The following KIAA0513 variants were observed in gnomAD, a reference collection of about 807,000 sequenced individuals.
The protein encoded by KIAA0513 is uncharacterized protein KIAA0513.
In KIAA0513, 39 loss-of-function variants were observed where a neutral mutation model predicts 56.5. That is an observed-to-expected ratio of 0.69 (90% confidence interval 0.53 to 0.90). KIAA0513 has a LOEUF of 0.90. Ranked by LOEUF, KIAA0513 falls within the 40% of genes least tolerant of loss-of-function variation. The probability of loss-of-function intolerance (pLI) is 0.00; values close to 1 mark genes in which losing one functional copy is unlikely to be tolerated. For synonymous variants in KIAA0513, 268 were observed against 215.6 expected (o/e 1.24, Z -2.13); for missense variants, 591 against 535.2 (o/e 1.10, Z -1.03).
At chr16:85,038,730 T>TAA (rs2073067986) in intron 1 of KIAA0513, among the ~76,000 whole-genome samples, 1 of 127,560 alleles carries the variant, frequency 7.8e-6, no homozygotes, top group African/African-American at 3.3e-5. Flanking sequence ...AAAATAATAA[T>TAA]AATAATATCT....
chr16:85,056,508 C>G (rs2073331462), intron 1 of KIAA0513, among the ~76,000 whole-genome samples: 2 of 152,212 alleles, frequency 1.3e-5, no homozygotes, highest in Non-Finnish European at 2.9e-5. Flanking sequence ...GGGTCCCTCT[C>G]CAGGAAAGCC....
At chr16:85,060,432 T>G (rs1328310566) in intron 1 of KIAA0513, among the ~76,000 whole-genome samples, 1 of 152,200 alleles carries the variant, frequency 6.6e-6, no homozygotes, top group Non-Finnish European at 1.5e-5. Flanking sequence ...CGGTGCCCCA[T>G]GTGCACAGTG....
At chr16:85,047,320 A>G (rs1179825617) in intron 1 of KIAA0513, among the ~76,000 whole-genome samples, 1 of 152,176 alleles carries the variant, frequency 6.6e-6, no homozygotes, top group Non-Finnish European at 1.5e-5. Context: ...GCTCGTAACA[A>G]CTTGATGGGG....
intron 2 of KIAA0513, among the ~76,000 whole-genome samples, chr16:85,070,917 A>G (rs1218307549): frequency 1.3e-5 from 2 of 152,240 alleles, no homozygotes; most frequent in East Asian, 1.9e-4. Context: ...AGTCAGATGC[A>G]TCTTCACAAG....
rs150950854 is a variant in KIAA0513 at position 85,080,967 on chromosome 16, G to A, written c.903-348G>A. ...CTGCTTCGTCTTGGGAGTCCCAACG[G>A]GAAAGGCAGAAGAAGAAAACGACCC... On this transcript the variant is annotated intron_variant, in intron 8 of 12. Transcript: ENST00000683363. 4.4e-3 allele frequency among the ~76,000 whole-genome samples: 663 copies of A among 152,292 alleles called. 4 individuals carry two copies. The highest frequency in any genetic ancestry group is 0.015 in the African/African-American group (634 of 41,548).
intron 1 of KIAA0513, among the ~76,000 whole-genome samples, chr16:85,051,226 G>A (rs984894087): frequency 2.0e-5 from 3 of 152,256 alleles, no homozygotes; most frequent in East Asian, 3.9e-4. Flanking sequence ...AACTTAATGC[G>A]TTTTATTCTC....
rs1382219763 is a variant in KIAA0513 at position 85,052,420 on chromosome 16, C to T, written c.-172-14480C>T. On this transcript the variant is annotated intron_variant, in intron 1 of 12. Transcript: ENST00000683363. The stretch of plus-strand genomic sequence containing the variant: ...CCAGCTACTCGGGAGGCTGAGGCAC[C>T]AGAATCGCTTGAACCTGGGAGGCCG... Among the ~76,000 whole-genome samples, 30 of 152,072 alleles carry T rather than the reference C, an allele frequency of 2.0e-4. 1 individual carries two copies. The highest frequency in any genetic ancestry group is 1.9e-3 in the Admixed American group (29 of 15,260).
At position 85,060,316 on chromosome 16, in the gene KIAA0513, C is replaced by G. The variant is rs566567056; in HGVS notation, c.-172-6584C>G. ...CTCAAGGACGAAGAGGTGCATTTTT[C>G]CTTGTTTGGGCTGCCAGGGAGTTGG... On this transcript the variant is annotated intron_variant, in intron 1 of 12. Coordinates refer to ENST00000683363, the MANE Select transcript of KIAA0513 (RefSeq NM_001388359.1). 9.5e-4 allele frequency among the ~76,000 whole-genome samples: 144 copies of G among 152,174 alleles called. No homozygotes were observed. In the Middle Eastern group the frequency reaches 0.02, roughly 22 times the overall value.
intron 1 of KIAA0513, among the ~76,000 whole-genome samples, chr16:85,064,205 C>T (rs1018045703): frequency 1.3e-5 from 2 of 151,944 alleles, no homozygotes; most frequent in South Asian, 2.1e-4. Flanking sequence ...AGGGTTTCAC[C>T]GTGTTGGCCA....
intron 2 of KIAA0513, among the ~76,000 whole-genome samples, chr16:85,068,355 C>CA (rs1381668558): frequency 6.8e-6 from 1 of 147,812 alleles, no homozygotes; most frequent in African/African-American, 2.5e-5. Flanking sequence ...TTTTTTGAGA[C>CA]AGAGTCTGGC....
chr16:85,058,234 T>G (rs1217205566), intron 1 of KIAA0513, among the ~76,000 whole-genome samples: 2 of 152,218 alleles, frequency 1.3e-5, no homozygotes, highest in African/African-American at 4.8e-5. Flanking sequence ...CACGGGCATG[T>G]TCACTGTCAC....
At chr16:85,084,128 C>A (rs1567547429) in intron 10 of KIAA0513, among the ~76,000 whole-genome samples, 3 of 143,552 alleles carry the variant, frequency 2.1e-5, no homozygotes, top group Admixed American at 1.5e-4. Flanking sequence ...GTGGCACAAT[C>A]TCAGCTCACT....
intron 1 of KIAA0513, among the ~76,000 whole-genome samples, chr16:85,062,353 T>C (rs2073418416): frequency 1.3e-5 from 2 of 152,166 alleles, no homozygotes; most frequent in Admixed American, 6.5e-5. Flanking sequence ...CATAAGGGCT[T>C]TGGAAGGTAC....
At chr16:85,041,808 G>A (rs1488120517) in intron 1 of KIAA0513, among the ~76,000 whole-genome samples, 3 of 152,166 alleles carry the variant, frequency 2.0e-5, no homozygotes, top group African/African-American at 7.2e-5. Flanking sequence ...ACGGTGGGTG[G>A]AAAATGGGGG....
At chr16:85,038,641 G>A (rs1393046815) in intron 1 of KIAA0513, among the ~76,000 whole-genome samples, 2 of 150,264 alleles carry the variant, frequency 1.3e-5, no homozygotes, top group African/African-American at 2.5e-5. Flanking sequence ...CTAGGAGGCG[G>A]AGGTTGCAGT....
At chr16:85,082,715 AG>A in intron 10 of KIAA0513, 122 bp downstream of exon 10, 1 of 1,048,110 alleles carries the variant, frequency 9.5e-7, no homozygotes, top group Non-Finnish European at 1.4e-6. Flanking sequence ...ACGCAGGTGC[AG>A]CCTGGTGGCC....
Position 85,081,245 on chromosome 16 carries a change from C to G in KIAA0513, c.903-70C>G. ...TGAGACACTGCCCTTGTTTATCCCT[C>G]AAGGGGCCCACAACCCGTGTCCTCC... On this transcript the variant is annotated intron_variant, in intron 8 of 12. Transcript: ENST00000683363. This position sits in a 1 kb window ranked among gnomAD's most constrained non-coding sequence, Gnocchi z 4.4. The G allele has an allele frequency of 7.1e-7, 1 of 1,408,400 alleles. No homozygotes were observed. The highest frequency in any genetic ancestry group is 1.0e-6 in the Non-Finnish European group (1 of 994,702). 87.2% of individuals were successfully genotyped at this position (1,408,400 alleles called of 1,614,324 possible).
intron 10 of KIAA0513, among the ~76,000 whole-genome samples, chr16:85,085,787 C>A (rs2073800972): frequency 6.6e-6 from 1 of 152,340 alleles, no homozygotes; most frequent in Middle Eastern, 3.4e-3. Context: ...AGAACACCCT[C>A]CCACTTCAGG....
intron 1 of KIAA0513, among the ~76,000 whole-genome samples, chr16:85,041,795 G>A (rs987780667): frequency 1.3e-5 from 2 of 152,170 alleles, no homozygotes; most frequent in African/African-American, 4.8e-5. Context: ...CCCAGCTGGT[G>A]ACACGGTGGG....
Sources: gnomAD v4.1 joint callset for allele counts (sites outside exome capture counted in the v4.1 genomes callset) on GRCh38, gnomAD v4.1.1 for gene constraint, Gnocchi (gnomAD v3.1) non-coding constraint, MANE v1.5 for transcripts, NCBI Gene and HGNC (gene_info 2026-07-23, HGNC 2026-07-21) for gene names.